ERBB2: variants seen among roughly 807,000 people sequenced by gnomAD.
ERBB2 encodes the protein receptor tyrosine-protein kinase erbB-2.
In ERBB2, 61 loss-of-function variants were observed where a neutral mutation model predicts 149.0. That is an observed-to-expected ratio of 0.41 (90% CI 0.33 to 0.51). ERBB2 has a LOEUF of 0.51. Among genes scored for constraint, ERBB2 ranks in the 20% least tolerant of loss-of-function variants. The pLI, the probability that ERBB2 is intolerant of heterozygous loss-of-function variation, is 0.25. For synonymous variants in ERBB2, 633 were observed against 678.8 expected (o/e 0.93, Z 1.05); for missense variants, 1,205 against 1,655.1 (o/e 0.73, Z 4.72).
At position 39,710,096 on chromosome 17, in the gene ERBB2, T is replaced by A. The variant is rs2058708218; in HGVS notation, c.654T>A (p.Thr218=). The A allele has an allele frequency of 6.2e-7, 1 of 1,607,976 alleles. No individual in the cohort carries two copies. Among genetic ancestry groups the A allele is most frequent in the East Asian group, 2.2e-5 (1 of 44,814 alleles). Residue 218 remains threonine, a synonymous_variant, in exon 6 of 27, where the codon ACT becomes ACA. Coordinates refer to ENST00000269571, the MANE Select transcript of ERBB2 (RefSeq NM_004448.4). ...CCCTTTGCCCAACAGTGACGCGCAC[T>A]GTCTGTGCCGGTGGCTGTGCCCGCT... ...SSEDCQSLTR[T]VCAGGCARCK... is the part of the protein sequence containing the mutation.
upstream of ERBB2, among the ~76,000 whole-genome samples, chr17:39,696,336 C>T (rs183729890): frequency 7.9e-3 from 1,203 of 152,320 alleles, 13 homozygotes; most frequent in African/African-American, 0.026. Context: ...CTCCAGCCCC[C>T]TCTCCAGCTT....
chr17:39,716,533 G>A lies in ERBB2; in HGVS notation c.1665G>A (p.Val555=), dbSNP rs762073749. 1.9e-6 allele frequency: 3 copies of A among 1,614,178 alleles called. No individual in the cohort carries two copies. Among genetic ancestry groups the A allele is most frequent in the African/African-American group, 2.7e-5 (2 of 75,042 alleles). Residue 555 remains valine (V), a synonymous_variant, in exon 14 of 27, where the codon GTG becomes GTA. Transcript: ENST00000269571. The stretch of plus-strand genomic sequence containing the variant: ...CTCTCAGGCTCCCCAGGGAGTATGT[G>A]AATGCCAGGCACTGTTTGCCGTGCC... ...RVLQGLPREY[V]NARHCLPCHP...
intron 15 of ERBB2, among the ~76,000 whole-genome samples, chr17:39,719,584 G>A (rs1238984724): frequency 1.3e-5 from 2 of 152,202 alleles, no homozygotes; most frequent in East Asian, 1.9e-4. Flanking sequence ...GCAGGGGAGC[G>A]GGGCATGCCG....
chr17:39,718,911 C>T (rs2059298801), intron 15 of ERBB2, among the ~76,000 whole-genome samples: 1 of 152,170 alleles, frequency 6.6e-6, no homozygotes, highest in Admixed American at 6.5e-5. Flanking sequence ...ATGTTTATCA[C>T]AAGGATATAT....
Position 39,707,061 on chromosome 17 carries a change from C to T in ERBB2, c.145C>T (p.Leu49Phe), listed in dbSNP as rs1187611727. ...PETHLDMLRH[L>F]YQGCQVVQGN... ...GACCCACCTGGACATGCTCCGCCAC[C>T]TCTACCAGGGCTGCCAGGTGGTGCA... is the stretch of plus-strand genomic sequence containing the variant. Residue 49 changes from leucine (L) to phenylalanine (F), a missense_variant, in exon 2 of 27, where the codon CTC (leucine) becomes TTC (phenylalanine). This residue lies in a region of ERBB2 where 101 missense variants were observed against 95.1 expected (regional missense o/e 1.06). Coordinates refer to ENST00000269571, the MANE Select transcript of ERBB2 (RefSeq NM_004448.4). The T allele has an allele frequency of 3.1e-6, 5 of 1,608,760 alleles. No homozygotes were observed. Among genetic ancestry groups the T allele is most frequent in the African/African-American group, 1.3e-5 (1 of 74,684 alleles).
In ERBB2 at chr17:39,715,953, C is replaced by A. The variant is rs2145661575; in HGVS notation, c.1513+14C>A. 1 of 1,604,050 alleles carries A rather than the reference C, an allele frequency of 6.2e-7. No homozygotes were observed. ...AGGACGAGTGTGGTAAGACAGGGAG[C>A]CCAGTGTGCGCACTCCCCATCTGCC... On this transcript the variant is annotated intron_variant, in intron 12 of 26. Coordinates refer to ENST00000269571, the MANE Select transcript of ERBB2 (RefSeq NM_004448.4).
upstream of ERBB2, chr17:39,696,663 C>T (rs1403898088): frequency 6.6e-6 from 1 of 152,214 alleles, no homozygotes; most frequent in East Asian, 1.9e-4. Flanking sequence ...CAAGGTTCCT[C>T]TTCTGCAAAA....
rs769612022 is a variant in ERBB2, at chr17:39,727,009, T to G, written c.3159+6T>G. ...ACCGCAGCTCATCTACCAGGGTCAG[T>G]GCCCTCGGTCACACTGTGTGGCTGT... On this transcript the variant is annotated splice_donor_region_variant and intron_variant, in intron 25 of 26. Transcript: ENST00000269571. This position sits in a 1 kb window ranked among gnomAD's most constrained non-coding sequence, Gnocchi z 4.3. 3.2e-6 allele frequency: 5 copies of G among 1,585,824 alleles called. No individual in the cohort carries two copies. The South Asian group carries it at 5.7e-5, about 18-fold the overall frequency.
chr17:39,700,403 G>T (rs556779164), intron 1 of ERBB2, 92 bp downstream of exon 1: 5 of 1,032,376 alleles, frequency 4.8e-6, no homozygotes, highest in Non-Finnish European at 6.3e-6. Flanking sequence ...GGCCAGAGGG[G>T]CCCGGACGAG....
At chr17:39,704,832 C>T (rs928000935) in intron 1 of ERBB2, among the ~76,000 whole-genome samples, 2 of 152,146 alleles carry the variant, frequency 1.3e-5, no homozygotes, top group Non-Finnish European at 2.9e-5. Context: ...GGCTACCACC[C>T]GTTCTGACCC....
In ERBB2 at chr17:39,719,854, T is replaced by C. The variant is rs1409027437; in HGVS notation, c.1946+20T>C. ...AGCCAGGTTGGCCTGGACCCCAGGA[T>C]GTACCCTTCATTGCCCTTCACTCCC... On this transcript the variant is annotated intron_variant, in intron 16 of 26. Coordinates refer to ENST00000269571, the MANE Select transcript of ERBB2 (RefSeq NM_004448.4). The C allele has an allele frequency of 6.2e-7, 1 of 1,613,518 alleles. No individual in the cohort carries two copies. Among genetic ancestry groups the C allele is most frequent in the Non-Finnish European group, 8.5e-7 (1 of 1,179,528 alleles).
chr17:39,699,329 C>CACAT (rs1320868408), upstream of ERBB2, among the ~76,000 whole-genome samples: 1 of 152,062 alleles, frequency 6.6e-6, no homozygotes, highest in Non-Finnish European at 1.5e-5. Flanking sequence ...GTCATGGTGG[C>CACAT]ACATGCCTGT....
upstream of ERBB2, chr17:39,699,901 A>G: frequency 1.2e-6 from 1 of 807,730 alleles, no homozygotes; most frequent in Non-Finnish European, 1.7e-6. Context: ...CTGCGCGAAG[A>G]GAGGGAGAAA....
chr17:39,707,197 G>A lies in ERBB2; in HGVS notation c.225+56G>A, dbSNP rs766351280. 4.9e-6 allele frequency: 7 copies of A among 1,422,022 alleles called. No individual in the cohort carries two copies. In the Admixed American group the frequency reaches 1.4e-4, roughly 27 times the overall value. 88.1% of individuals were successfully genotyped at this position (1,422,022 alleles called of 1,614,324 possible). A position where few individuals can be genotyped will look rare whatever the true frequency, so the allele number is the denominator to read the frequency against. ...TGCCTCCAGCTGGGCTGAGCCCTCT[G>A]TTTACAGGTGGGTGGCAGAAGAAGG... On this transcript the variant is annotated intron_variant, in intron 2 of 26. Coordinates refer to ENST00000269571, the MANE Select transcript of ERBB2 (RefSeq NM_004448.4).
In ERBB2 at chr17:39,716,292, T is replaced by C. The variant is rs2059121458; in HGVS notation, c.1514-9T>C. The C allele has an allele frequency of 1.3e-6, 2 of 1,577,544 alleles. No individual in the cohort carries two copies. The highest frequency in any genetic ancestry group is 1.7e-6 in the Non-Finnish European group (2 of 1,164,612). On this transcript the variant is annotated splice_polypyrimidine_tract_variant and intron_variant, in intron 12 of 26. Transcript: ENST00000269571. Reference sequence around the variant, plus strand: ...AAAGTCCCCTGCGGTCCCTTCCTCCTCACTGCAGTGGGCGAGGGCCTGGCC... The same window carrying C: ...AAAGTCCCCTGCGGTCCCTTCCTCCCCACTGCAGTGGGCGAGGGCCTGGCC...
At chr17:39,721,446 G>A (rs1331664599) in intron 16 of ERBB2, among the ~76,000 whole-genome samples, 2 of 152,010 alleles carry the variant, frequency 1.3e-5, no homozygotes, top group African/African-American at 2.4e-5. Flanking sequence ...GCTAATTTTT[G>A]TATTTTTAGT....
chr17:39,697,268 T>G (rs1368958933), upstream of ERBB2, among the ~76,000 whole-genome samples: 1 of 152,124 alleles, frequency 6.6e-6, no homozygotes, highest in Non-Finnish European at 1.5e-5. Context: ...AGGAATAAGT[T>G]AATTTTACAT....
At chr17:39,700,020 G>A, upstream of ERBB2, 1 of 1,268,428 alleles carries the variant, frequency 7.9e-7, no homozygotes, top group Non-Finnish European at 9.9e-7. Flanking sequence ...GGAGGAGGAG[G>A]GCTGCTTGAG....
At chr17:39,709,556 C>T in intron 4 of ERBB2, 104 bp downstream of exon 4, 1 of 1,352,144 alleles carries the variant, frequency 7.4e-7, no homozygotes, top group Non-Finnish European at 1.0e-6. Flanking sequence ...CCCCAGCCGC[C>T]TACACCACCC....
Sources: gnomAD v4.1 joint callset for allele counts (sites outside exome capture counted in the v4.1 genomes callset) on GRCh38, gnomAD v4.1.1 for gene constraint, gnomAD v4.1.1 regional missense constraint, Gnocchi (gnomAD v3.1) non-coding constraint, MANE v1.5 for transcripts, NCBI Gene and HGNC (gene_info 2026-07-23, HGNC 2026-07-21) for gene names.